The following GPD1L variants were observed in gnomAD, a reference collection of about 807,000 sequenced individuals.
GPD1L encodes the protein glycerol-3-phosphate dehydrogenase 1 like.
In GPD1L, 17 loss-of-function variants were observed where a neutral mutation model predicts 32.9. The ratio of observed to expected loss-of-function variants is 0.52; its 90% CI spans 0.35 to 0.78. The LOEUF is 0.78. Ranked by LOEUF, GPD1L falls within the 30% of genes least tolerant of loss-of-function variation. The pLI is 0.01. For synonymous variants in GPD1L, 187 were observed against 165.9 expected (o/e 1.13, Z -0.98); for missense variants, 361 against 447.8 (o/e 0.81, Z 1.75).
At position 32,158,774 on chromosome 3, in the gene GPD1L, T is replaced by C. The variant is rs1575122270; in HGVS notation, c.619-102T>C. ...TTGAGTATTTTGAAGATGGAGCCAA[T>C]GTCCCTGGTCTGCCCCTGCCTCGGC... On this transcript the variant is annotated intron_variant, in intron 5 of 7. Coordinates refer to ENST00000282541, the MANE Select transcript of GPD1L (RefSeq NM_015141.4). The C allele has an allele frequency of 1.9e-6, 3 of 1,546,524 alleles. No individual in the cohort carries two copies. In the South Asian group the frequency reaches 3.6e-5, roughly 18 times the overall value.
intron 1 of GPD1L, among the ~76,000 whole-genome samples, chr3:32,123,533 C>T (rs747629138): frequency 4.6e-5 from 7 of 152,098 alleles, no homozygotes; most frequent in Non-Finnish European, 1.0e-4. Flanking sequence ...CTTTGGGAAG[C>T]ACTGGATTCG....
chr3:32,126,850 G>A (rs1230596256), intron 1 of GPD1L, among the ~76,000 whole-genome samples: 1 of 152,162 alleles, frequency 6.6e-6, no homozygotes, highest in Non-Finnish European at 1.5e-5. Flanking sequence ...TGCCAGTTCC[G>A]TTGGCCTGGG....
chr3:32,109,155 G>A (rs1700211937), intron 1 of GPD1L, among the ~76,000 whole-genome samples: 1 of 152,200 alleles, frequency 6.6e-6, no homozygotes. Flanking sequence ...GGCCGGCTTT[G>A]CCAGTTTTAA....
At position 32,159,061 on chromosome 3, in the gene GPD1L, C is replaced by T. The variant is rs769778166; in HGVS notation, c.804C>T (p.Tyr268=). Residue 268 remains tyrosine, a synonymous_variant, in exon 6 of 8, where the codon TAC becomes TAT. Transcript: ENST00000282541. Reference sequence around the variant, plus strand: ...TGGCCGACCTGATCACCACCTGTTACGGAGGGCGGAACCGCAGGGTGGCCG... The same window carrying T: ...TGGCCGACCTGATCACCACCTGTTATGGAGGGCGGAACCGCAGGGTGGCCG... ...CGVADLITTC[Y]GGRNRRVAEA... is the part of the protein sequence containing the mutation. 6 of 1,613,860 alleles carry T rather than the reference C, an allele frequency of 3.7e-6. No individual in the cohort carries two copies. Among genetic ancestry groups the T allele is most frequent in the East Asian group, 2.2e-5 (1 of 44,886 alleles).
chr3:32,158,984 A>G lies in GPD1L; in HGVS notation c.727A>G (p.Ile243Val). Residue 243 changes from isoleucine to valine, a missense_variant, in exon 6 of 8, where the codon ATC becomes GTC. Ile to Val is a conservative substitution (Grantham distance 29). Coordinates refer to ENST00000282541, the MANE Select transcript of GPD1L (RefSeq NM_015141.4). ...GLMEMIAFAR[I>V]FCKGQVSTAT... ...CATGGAAATGATTGCTTTTGCCAGGATCTTCTGCAAAGGCCAAGTGTCTAC... is the reference window on the plus strand; with the variant it reads ...CATGGAAATGATTGCTTTTGCCAGGGTCTTCTGCAAAGGCCAAGTGTCTAC... The G allele has an allele frequency of 6.2e-7, 1 of 1,614,082 alleles. No individual in the cohort carries two copies. Among genetic ancestry groups the G allele is most frequent in the South Asian group, 1.1e-5 (1 of 91,082 alleles).
intron 5 of GPD1L, among the ~76,000 whole-genome samples, chr3:32,153,667 T>A (rs1033113324): frequency 2.6e-5 from 4 of 151,934 alleles, no homozygotes; most frequent in African/African-American, 9.7e-5. Flanking sequence ...TCAGGAGGAG[T>A]CGGATGGATT....
At chr3:32,120,872 C>T (rs1041820116) in intron 1 of GPD1L, among the ~76,000 whole-genome samples, 3 of 152,126 alleles carry the variant, frequency 2.0e-5, no homozygotes, top group Non-Finnish European at 2.9e-5. Flanking sequence ...AAATACTACA[C>T]CTTTTTAGAG....
intron 1 of GPD1L, among the ~76,000 whole-genome samples, chr3:32,115,514 A>G (rs577063801): frequency 1.2e-4 from 19 of 152,168 alleles, no homozygotes; most frequent in African/African-American, 4.3e-4. Flanking sequence ...CATCATTTGG[A>G]TTTTCTCTAC....
chr3:32,127,338 C>T (rs1438280803), intron 1 of GPD1L, among the ~76,000 whole-genome samples: 1 of 152,210 alleles, frequency 6.6e-6, no homozygotes, highest in Non-Finnish European at 1.5e-5. Context: ...GATCAAGTGC[C>T]CACCATGGCC....
intron 5 of GPD1L, chr3:32,158,570 G>A (rs968379174): frequency 3.6e-5 from 19 of 521,958 alleles, no homozygotes; most frequent in Non-Finnish European, 6.2e-5. Flanking sequence ...AAAAAGTAAA[G>A]TAGTTTGTCC....
chr3:32,149,115 A>C (rs1240631187), intron 5 of GPD1L, among the ~76,000 whole-genome samples: 2 of 152,220 alleles, frequency 1.3e-5, no homozygotes, highest in Admixed American at 6.5e-5. Context: ...GACTGAGTGC[A>C]GTGGCACAAT....
At chr3:32,139,110 CT>C (rs1399768361) in intron 3 of GPD1L, among the ~76,000 whole-genome samples, 1 of 152,158 alleles carries the variant, frequency 6.6e-6, no homozygotes, top group African/African-American at 2.4e-5. Flanking sequence ...CATGAACCAC[CT>C]CTGAAGGTCC....
chr3:32,126,220 C>CATAA (rs1392817436), intron 1 of GPD1L, among the ~76,000 whole-genome samples: 3 of 152,104 alleles, frequency 2.0e-5, no homozygotes, highest in African/African-American at 7.2e-5. Context: ...TAAATAAATA[C>CATAA]ATAAATAAAT....
chr3:32,165,784 C>G, intron 7 of GPD1L, 30 bp from the exon 8 acceptor site: 1 of 1,221,114 alleles, frequency 8.2e-7, no homozygotes, highest in Non-Finnish European at 1.2e-6. Context: ...AGTGGCCTAA[C>G]TTTGTCTTTT....
At chr3:32,127,899 T>A (rs1461646620) in intron 1 of GPD1L, among the ~76,000 whole-genome samples, 177 bp from the exon 2 acceptor site, 1 of 151,906 alleles carries the variant, frequency 6.6e-6, no homozygotes. Context: ...CAGGCGGTGG[T>A]ATTCCATGTG....
At chr3:32,148,927 C>T (rs1024895800) in intron 5 of GPD1L, among the ~76,000 whole-genome samples, 1 of 152,206 alleles carries the variant, frequency 6.6e-6, no homozygotes, top group African/African-American at 2.4e-5. Flanking sequence ...CACTGACAAT[C>T]CTACATCCTG....
chr3:32,151,176 T>C (rs1700914490), intron 5 of GPD1L: 7 of 584,132 alleles, frequency 1.2e-5, no homozygotes, highest in Non-Finnish European at 2.3e-5. Context: ...AGCAGGCTGG[T>C]ACTTCAGTCT....
chr3:32,148,503 T>C (rs1029906158), intron 5 of GPD1L, among the ~76,000 whole-genome samples: 8 of 152,174 alleles, frequency 5.3e-5, no homozygotes, highest in Non-Finnish European at 8.8e-5. Context: ...TCAGTTACCA[T>C]CATTCCTGGG....
chr3:32,165,719 A>G, intron 7 of GPD1L, 95 bp from the exon 8 acceptor site: 3 of 741,722 alleles, frequency 4.0e-6, no homozygotes, highest in Non-Finnish European at 7.5e-6. Flanking sequence ...ATAGTCACAT[A>G]CTAACCTGCA....
Sources: gnomAD v4.1 joint callset for allele counts (sites outside exome capture counted in the v4.1 genomes callset) on GRCh38, gnomAD v4.1.1 for gene constraint, MANE v1.5 for transcripts, NCBI Gene and HGNC (gene_info 2026-07-23, HGNC 2026-07-21) for gene names.